Variants in MKLN1 observed in about 807,000 individuals in gnomAD.
The protein encoded by MKLN1 is muskelin 1, also known as muskelin.
A neutral mutation model predicts 99.0 loss-of-function variants in MKLN1; 18 were observed. That is an observed-to-expected ratio of 0.18 (90% CI 0.13 to 0.27). The LOEUF (loss-of-function observed/expected upper bound fraction) is 0.27, where lower values mean the gene tolerates loss of function less well. Among genes scored for constraint, MKLN1 ranks in the 10% least tolerant of loss-of-function variants. MKLN1 has a pLI of 1.00. For synonymous variants in MKLN1, 288 were observed against 293.2 expected (o/e 0.98, Z 0.18); for missense variants, 621 against 875.9 (o/e 0.71, Z 3.67).
chr7:131,305,678 T>C (rs896737239), intron 3 of MKLN1, among the ~76,000 whole-genome samples: 7 of 152,192 alleles, frequency 4.6e-5, no homozygotes, highest in African/African-American at 1.7e-4. Flanking sequence ...AGACTAAAAT[T>C]ATCTGGTGGA....
intron 2 of MKLN1, among the ~76,000 whole-genome samples, chr7:131,187,419 C>T (rs1359984601): frequency 6.6e-6 from 1 of 151,424 alleles, no homozygotes; most frequent in Non-Finnish European, 1.5e-5. Flanking sequence ...ACGTATTGCT[C>T]TAGAGCAGAG....
chr7:131,318,864 G>A (rs1236590077), intron 3 of MKLN1, among the ~76,000 whole-genome samples: 3 of 152,058 alleles, frequency 2.0e-5, no homozygotes, highest in Non-Finnish European at 4.4e-5. Context: ...ATAAATTCCT[G>A]GACACATACA....
chr7:131,132,333 G>A (rs1291886710), intron 1 of MKLN1, among the ~76,000 whole-genome samples: 1 of 152,202 alleles, frequency 6.6e-6, no homozygotes, highest in East Asian at 1.9e-4. Context: ...ACCAGATGGA[G>A]AGAATTGTGA....
chr7:131,362,903 A>G (rs1308620135), intron 1 of MKLN1, among the ~76,000 whole-genome samples: 1 of 151,930 alleles, frequency 6.6e-6, no homozygotes, highest in Non-Finnish European at 1.5e-5. Context: ...TTCTGGCCAT[A>G]CTATTTTTGA....
At chr7:131,315,877 G>T (rs1798658550) in intron 3 of MKLN1, among the ~76,000 whole-genome samples, 1 of 152,214 alleles carries the variant, frequency 6.6e-6, no homozygotes, top group African/African-American at 2.4e-5. Context: ...CATCTCTGAA[G>T]CAAAGGTAAC....
intron 15 of MKLN1, among the ~76,000 whole-genome samples, chr7:131,469,228 G>A (rs574285976): frequency 2.6e-5 from 4 of 152,194 alleles, no homozygotes; most frequent in South Asian, 2.1e-4. Flanking sequence ...ATGGATGGCC[G>A]GCCGGCCAGA....
At chr7:131,426,621 T>G (rs577201681) in intron 8 of MKLN1, among the ~76,000 whole-genome samples, 1 of 152,336 alleles carries the variant, frequency 6.6e-6, no homozygotes, top group South Asian at 2.1e-4. Context: ...AAGTGTTTTA[T>G]GTACTGAATT....
chr7:131,111,376 A>G (rs1795195932), intron 1 of MKLN1, among the ~76,000 whole-genome samples: 1 of 152,204 alleles, frequency 6.6e-6, no homozygotes, highest in African/African-American at 2.4e-5. Flanking sequence ...ACACCCACAT[A>G]TCTTGTTTTC....
In MKLN1 at chr7:131,491,649, G is replaced by T. The variant is rs1373955251; in HGVS notation, c.*3921G>T. 6.6e-6 allele frequency: 1 copy of T among 152,216 alleles called. No individual in the cohort carries two copies. Among genetic ancestry groups the T allele is most frequent in the Non-Finnish European group, 1.5e-5 (1 of 68,018 alleles). The allele number at this position is 152,216 out of a possible 1,614,324, so 9.4% of individuals were successfully genotyped here. The stretch of plus-strand genomic sequence containing the variant: ...ACGAAGCTGACTAGCTTACGTGAAT[G>T]ATGTTGCCCTCATTTGTTTTGGGTG... On this transcript the variant is annotated 3_prime_UTR_variant, in exon 18 of 18. Coordinates refer to ENST00000352689, the MANE Select transcript of MKLN1 (RefSeq NM_013255.5).
intron 3 of MKLN1, among the ~76,000 whole-genome samples, chr7:131,238,737 T>C (rs1797359915): frequency 6.6e-6 from 1 of 152,240 alleles, no homozygotes; most frequent in South Asian, 2.1e-4. Context: ...GGTGGTTCTC[T>C]TCCAAGTGGT....
chr7:131,313,497 C>T (rs1798607930), intron 3 of MKLN1, among the ~76,000 whole-genome samples: 1 of 152,128 alleles, frequency 6.6e-6, no homozygotes, highest in African/African-American at 2.4e-5. Flanking sequence ...TCAAACTGTA[C>T]CTTTGTAAAT....
At position 131,113,531 on chromosome 7, in the gene MKLN1, A is replaced by G. The variant is rs187791263; in HGVS notation, c.-419+3324A>G. ...AACTGATCAAATGTTCATTTTAGAA[A>G]GATCTCTCAGCTGGGTGCAGTGGCA... On this transcript the variant is annotated intron_variant, in intron 1 of 7. Coordinates refer to the MKLN1 transcript ENST00000416992. Among the ~76,000 whole-genome samples, 317 of 152,262 alleles carry G rather than the reference A, an allele frequency of 2.1e-3. 1 individual carries two copies. Among genetic ancestry groups the G allele is most frequent in the African/African-American group, 6.9e-3 (287 of 41,546 alleles).
At chr7:131,278,892 C>T (rs1016029526) in intron 3 of MKLN1, among the ~76,000 whole-genome samples, 4 of 152,200 alleles carry the variant, frequency 2.6e-5, no homozygotes, top group Non-Finnish European at 5.9e-5. Flanking sequence ...AGCCATTGTG[C>T]CTGGCCTATG....
At chr7:131,163,764 G>A (rs562389649) in intron 2 of MKLN1, among the ~76,000 whole-genome samples, 2 of 152,138 alleles carry the variant, frequency 1.3e-5, no homozygotes, top group East Asian at 1.9e-4. Flanking sequence ...AGTGTTCTTC[G>A]CTCACAAGTA....
intron 3 of MKLN1, among the ~76,000 whole-genome samples, chr7:131,235,979 T>C (rs1358155800): frequency 6.6e-6 from 1 of 152,220 alleles, no homozygotes; most frequent in Non-Finnish European, 1.5e-5. Flanking sequence ...GATCGAGTTA[T>C]AAAGCTGGCA....
rs145737745 is a variant in MKLN1 at position 131,136,446 on chromosome 7, C to T, written c.-418-6374C>T. 3.9e-5 allele frequency among the ~76,000 whole-genome samples: 6 copies of T among 152,360 alleles called. No individual in the cohort carries two copies. The East Asian group carries it at 9.6e-4, about 24-fold the overall frequency. On this transcript the variant is annotated intron_variant, in intron 1 of 7. Transcript: ENST00000416992. ...GCAGGCTGTTTATAGCAGTTCCCCA[C>T]TGGAGTACAACAGTAATGAAGTATG... is the stretch of plus-strand genomic sequence containing the variant.
At chr7:131,355,360 GTT>G (rs1386145415) in intron 1 of MKLN1, among the ~76,000 whole-genome samples, 1 of 151,890 alleles carries the variant, frequency 6.6e-6, no homozygotes, top group Non-Finnish European at 1.5e-5. Flanking sequence ...AAATTTATAA[GTT>G]AACATAGAAT....
chr7:131,126,163 G>A (rs988181272), intron 1 of MKLN1, among the ~76,000 whole-genome samples: 19 of 152,132 alleles, frequency 1.2e-4, no homozygotes, highest in African/African-American at 4.3e-4. Flanking sequence ...CAAAAGGCAG[G>A]AGAAGGGGTA....
At chr7:131,130,115 AT>A (rs1238434658) in intron 1 of MKLN1, among the ~76,000 whole-genome samples, 4 of 152,220 alleles carry the variant, frequency 2.6e-5, no homozygotes, top group African/African-American at 9.6e-5. Context: ...ATTAGACAAA[AT>A]TTAAATTTAG....
Sources: gnomAD v4.1 joint callset for allele counts (sites outside exome capture counted in the v4.1 genomes callset) on GRCh38, gnomAD v4.1.1 for gene constraint, MANE v1.5 for transcripts, NCBI Gene and HGNC (gene_info 2026-07-23, HGNC 2026-07-21) for gene names.